GALNT13: variants seen among roughly 807,000 people sequenced by gnomAD.
The protein encoded by GALNT13 is UDP-GalNAc:polypeptide N-acetylgalactosaminyltransferase 13.
Under a neutral mutation model 64.2 loss-of-function variants are expected in GALNT13, and 28 were observed. The ratio of observed to expected loss-of-function variants is 0.44; its 90% CI spans 0.32 to 0.60. The LOEUF is 0.60. GALNT13 is among the 20% of genes least tolerant of loss of function. The pLI, the probability that GALNT13 is intolerant of heterozygous loss-of-function variation, is 0.05. For missense variants in GALNT13, 577 were observed against 669.8 expected (o/e 0.86, Z 1.53); for synonymous variants, 214 against 224.6 (o/e 0.95, Z 0.42).
At chr2:153,561,728 T>C in the GALNT13 span, among the ~76,000 whole-genome samples, 53 of 151,388 alleles carry the variant, frequency 3.5e-4, no homozygotes, top group Middle Eastern at 7.0e-3. Flanking sequence ...GAAATACAAT[T>C]GAAGATGCTA....
chr2:153,496,837 A>G, the GALNT13 span, among the ~76,000 whole-genome samples: 1 of 151,560 alleles, frequency 6.6e-6, no homozygotes, highest in Non-Finnish European at 1.5e-5. Context: ...AATACAAAGA[A>G]AAAAAAATTA....
At chr2:154,239,970 A>T (rs1380860075) in intron 4 of GALNT13, among the ~76,000 whole-genome samples, 1 of 152,154 alleles carries the variant, frequency 6.6e-6, no homozygotes. Flanking sequence ...TGTATGTGTC[A>T]TGCATTAACC....
chr2:154,281,555 T>C (rs1574010706), intron 8 of GALNT13, among the ~76,000 whole-genome samples: 1 of 152,340 alleles, frequency 6.6e-6, no homozygotes, highest in East Asian at 1.9e-4. Context: ...CAGTAGATTG[T>C]ACATTAGGAA....
intron 2 of GALNT13, among the ~76,000 whole-genome samples, chr2:153,936,395 G>A (rs1222362496): frequency 6.6e-6 from 1 of 152,046 alleles, no homozygotes; most frequent in Non-Finnish European, 1.5e-5. Context: ...TTATTAGGTG[G>A]CCTTTGCAAC....
the GALNT13 span, among the ~76,000 whole-genome samples, chr2:153,270,486 C>G: frequency 5.8e-3 from 878 of 152,294 alleles, 8 homozygotes; most frequent in African/African-American, 0.02. Flanking sequence ...AGTGCCCAGA[C>G]GCGCACCTCC....
At chr2:153,839,717 T>C in the GALNT13 span, among the ~76,000 whole-genome samples, 1 of 151,982 alleles carries the variant, frequency 6.6e-6, no homozygotes, top group Non-Finnish European at 1.5e-5. Context: ...TGTTTTGAAA[T>C]ATACATTTGT....
the GALNT13 span, among the ~76,000 whole-genome samples, chr2:153,442,014 T>G: frequency 6.6e-6 from 1 of 152,162 alleles, no homozygotes; most frequent in East Asian, 1.9e-4. Flanking sequence ...GAAGGCATCT[T>G]GTCTTGTGCC....
the GALNT13 span, among the ~76,000 whole-genome samples, chr2:153,796,344 C>A: frequency 2.6e-5 from 4 of 152,038 alleles, no homozygotes; most frequent in South Asian, 2.1e-4. Context: ...ACAAAACATG[C>A]GAAAGGTGAC....
At chr2:153,669,957 T>A in the GALNT13 span, among the ~76,000 whole-genome samples, 2 of 79,582 alleles carry the variant, frequency 2.5e-5, no homozygotes, top group Non-Finnish European at 2.6e-5. Flanking sequence ...ACACTGGAAC[T>A]TGGGGAGGGG....
chr2:153,780,388 A>G, the GALNT13 span, among the ~76,000 whole-genome samples: 1 of 151,910 alleles, frequency 6.6e-6, no homozygotes, highest in Non-Finnish European at 1.5e-5. Flanking sequence ...TGATCCCTCA[A>G]TGCTGTTCTC....
chr2:153,638,756 G>A, the GALNT13 span, among the ~76,000 whole-genome samples: 3 of 152,100 alleles, frequency 2.0e-5, no homozygotes, highest in African/African-American at 7.2e-5. Context: ...CGGGGTGGGG[G>A]TGTGTGTTCT....
the GALNT13 span, among the ~76,000 whole-genome samples, chr2:153,710,289 C>A: frequency 6.6e-6 from 1 of 151,958 alleles, no homozygotes. Flanking sequence ...AAGCTGAGAA[C>A]TTTTAAAACA....
intron 2 of GALNT13, among the ~76,000 whole-genome samples, chr2:153,935,265 T>A (rs1690822842): frequency 6.6e-6 from 1 of 152,204 alleles, no homozygotes; most frequent in East Asian, 1.9e-4. Context: ...ATAGAACTGC[T>A]TATCTTTGGT....
chr2:154,123,428 T>C (rs747093713), intron 3 of GALNT13, among the ~76,000 whole-genome samples: 3 of 151,962 alleles, frequency 2.0e-5, no homozygotes, highest in Non-Finnish European at 2.9e-5. Context: ...GATGACAAAA[T>C]AGACACTCCT....
At chr2:153,534,527 T>TTTTTTTTTTTTTTTTTTTTTTA in the GALNT13 span, among the ~76,000 whole-genome samples, 2 of 144,892 alleles carry the variant, frequency 1.4e-5, 1 homozygote, top group African/African-American at 5.0e-5. Context: ...TCTTTCTTTC[T>TTTTTTTTTTTTTTTTTTTTTTA]TTTTTTTTTT....
At chr2:154,009,822 C>T (rs1215364949) in intron 3 of GALNT13, among the ~76,000 whole-genome samples, 2 of 152,134 alleles carry the variant, frequency 1.3e-5, no homozygotes, top group Non-Finnish European at 2.9e-5. Context: ...TTGCTTGCAT[C>T]ATCTCTGATT....
chr2:154,123,108 A>T (rs1016365548), intron 3 of GALNT13, among the ~76,000 whole-genome samples: 1 of 152,036 alleles, frequency 6.6e-6, no homozygotes, highest in Non-Finnish European at 1.5e-5. Context: ...AAAACTGAAG[A>T]ATAAACATTT....
At chr2:154,172,810 G>C (rs1052471372) in intron 4 of GALNT13, among the ~76,000 whole-genome samples, 1 of 151,784 alleles carries the variant, frequency 6.6e-6, no homozygotes, top group Non-Finnish European at 1.5e-5. Context: ...CAACATTGAT[G>C]AAAGAAATTG....
intron 8 of GALNT13, chr2:154,286,858 A>G: frequency 5.3e-6 from 2 of 379,010 alleles, no homozygotes; most frequent in Admixed American, 3.5e-5. Context: ...GAATGTCAAC[A>G]TCATACTTTG....
Sources: allele counts gnomAD v4.1 joint callset (sites outside exome capture counted in the v4.1 genomes callset), GRCh38; gene constraint gnomAD v4.1.1; transcripts MANE v1.5; gene names NCBI Gene and HGNC (gene_info 2026-07-23, HGNC 2026-07-21).